LOC122539214: variants seen among roughly 807,000 people sequenced by gnomAD.
the LOC122539214 span, among the ~76,000 whole-genome samples, chr19:52,667,578 A>T: frequency 2.1e-4 from 32 of 152,182 alleles, no homozygotes; most frequent in Non-Finnish European, 3.7e-4. Context: ...TTGAAAGATT[A>T]AAAAAATTTG....
chr19:52,679,760 ACAGT>A, the LOC122539214 span, among the ~76,000 whole-genome samples: 1 of 152,224 alleles, frequency 6.6e-6, no homozygotes, highest in African/African-American at 2.4e-5. Context: ...TTCAATCATA[ACAGT>A]CAAAGTGTTC....
chr19:52,687,434 A>G, the LOC122539214 span, among the ~76,000 whole-genome samples: 1,621 of 20,592 alleles, frequency 0.079, 578 homozygotes, highest in Non-Finnish European at 0.12. Context: ...ATTATAATTT[A>G]TATAGCTATA....
the LOC122539214 span, among the ~76,000 whole-genome samples, chr19:52,687,640 T>TAC: frequency 9.3e-5 from 4 of 42,872 alleles, no homozygotes; most frequent in African/African-American, 1.0e-3. Flanking sequence ...AATGTATATA[T>TAC]ATATATATAT....
chr19:52,650,644 C>G, the LOC122539214 span: 1 of 152,124 alleles, frequency 6.6e-6, no homozygotes, highest in Non-Finnish European at 1.5e-5. Context: ...ATTAGAAGAA[C>G]TTCAAGTTTT....
chr19:52,677,636 T>G, the LOC122539214 span, among the ~76,000 whole-genome samples: 2 of 152,084 alleles, frequency 1.3e-5, no homozygotes, highest in Non-Finnish European at 2.9e-5. Context: ...CAGAATTGTG[T>G]ATACACATGA....
At chr19:52,653,291 C>T in the LOC122539214 span, 2 of 1,391,208 alleles carry the variant, frequency 1.4e-6, no homozygotes. Flanking sequence ...TGATTAAAAA[C>T]CTTACCACAT....
At chr19:52,687,613 TG>T in the LOC122539214 span, among the ~76,000 whole-genome samples, 757 of 13,724 alleles carry the variant, frequency 0.055, 96 homozygotes, top group African/African-American at 0.35. Flanking sequence ...ATATATATAA[TG>T]TGTATATATA....
the LOC122539214 span, among the ~76,000 whole-genome samples, chr19:52,676,592 C>A: frequency 1.3e-5 from 2 of 150,884 alleles, no homozygotes; most frequent in East Asian, 2.0e-4. Context: ...AGTGAGGAGC[C>A]CCTCTGCCTG....
chr19:52,687,584 A>ATATATAATG, the LOC122539214 span, among the ~76,000 whole-genome samples: 56 of 37,324 alleles, frequency 1.5e-3, 14 homozygotes, highest in African/African-American at 0.015. Context: ...AATTTTATAT[A>ATATATAATG]TATATATATA....
At chr19:52,671,777 T>G in the LOC122539214 span, among the ~76,000 whole-genome samples, 1 of 152,154 alleles carries the variant, frequency 6.6e-6, no homozygotes, top group Non-Finnish European at 1.5e-5. Context: ...TTTGTTATTC[T>G]CTCCTGAGTG....
the LOC122539214 span, chr19:52,652,502 T>C: frequency 2.2e-6 from 1 of 448,642 alleles, no homozygotes; most frequent in South Asian, 1.7e-5. Flanking sequence ...TGAATTCTCC[T>C]GTGTTTTGCA....
chr19:52,674,506 G>A, the LOC122539214 span, among the ~76,000 whole-genome samples: 2 of 152,218 alleles, frequency 1.3e-5, no homozygotes, highest in African/African-American at 2.4e-5. Context: ...TAGATGACAC[G>A]ATCCTCTGTG....
the LOC122539214 span, among the ~76,000 whole-genome samples, chr19:52,662,791 G>A: frequency 5.9e-5 from 9 of 152,218 alleles, 1 homozygote; most frequent in African/African-American, 1.9e-4. Context: ...GCTCTGAGTT[G>A]AGTCAGAAGG....
chr19:52,668,524 G>T, the LOC122539214 span, among the ~76,000 whole-genome samples: 67 of 152,078 alleles, frequency 4.4e-4, no homozygotes, highest in African/African-American at 1.5e-3. Context: ...GGCTTCTTTA[G>T]GGTGTGCTTT....
chr19:52,659,383 G>A, the LOC122539214 span, among the ~76,000 whole-genome samples: 1 of 152,254 alleles, frequency 6.6e-6, no homozygotes, highest in African/African-American at 2.4e-5. Context: ...GTCAAGCTAA[G>A]GTTTCATCAC....
chr19:52,662,991 C>T, the LOC122539214 span, among the ~76,000 whole-genome samples: 3 of 151,876 alleles, frequency 2.0e-5, no homozygotes, highest in South Asian at 4.2e-4. Flanking sequence ...GGTGAAATCC[C>T]GTCTCTATGA....
the LOC122539214 span, chr19:52,654,738 C>T: frequency 6.1e-6 from 1 of 162,970 alleles, no homozygotes; most frequent in East Asian, 1.8e-4. Flanking sequence ...CAGTCAAGAG[C>T]CTCATATATA....
At chr19:52,688,047 T>C in the LOC122539214 span, among the ~76,000 whole-genome samples, 2 of 152,078 alleles carry the variant, frequency 1.3e-5, no homozygotes, top group Admixed American at 1.3e-4. Context: ...AATTTTAAAA[T>C]TCTCAATCTC....
At chr19:52,662,069 A>C in the LOC122539214 span, among the ~76,000 whole-genome samples, 1 of 152,240 alleles carries the variant, frequency 6.6e-6, no homozygotes, top group Non-Finnish European at 1.5e-5. Context: ...GCACAGATCC[A>C]TAGGGATGAG....
Sources: gnomAD v4.1 joint callset for allele counts (sites outside exome capture counted in the v4.1 genomes callset) on GRCh38, gnomAD v4.1.1 for gene constraint, MANE v1.5 for transcripts.